The following CADPS2 variants were observed in gnomAD, a reference collection of about 807,000 sequenced individuals.
The protein encoded by CADPS2 is calcium dependent secretion activator 2.
CADPS2 carries 93 observed loss-of-function variants against 172.5 expected under a neutral mutation model. The ratio of observed to expected loss-of-function variants is 0.54; its 90% CI spans 0.46 to 0.64. CADPS2 has a LOEUF of 0.64. Ranked by LOEUF, CADPS2 falls within the 30% of genes least tolerant of loss-of-function variation. The pLI is 0.00. For missense variants in CADPS2, 1,420 were observed against 1,565.9 expected (o/e 0.91, Z 1.57); for synonymous variants, 546 against 555.2 (o/e 0.98, Z 0.23).
chr7:122,857,312 G>A (rs930329383), intron 1 of CADPS2, among the ~76,000 whole-genome samples: 3 of 151,950 alleles, frequency 2.0e-5, no homozygotes, highest in South Asian at 2.1e-4. Flanking sequence ...TACTATAGGC[G>A]TATATTATTT....
At chr7:122,541,343 C>T (rs573234220) in intron 8 of CADPS2, among the ~76,000 whole-genome samples, 1 of 145,440 alleles carries the variant, frequency 6.9e-6, no homozygotes, top group Non-Finnish European at 1.5e-5. Flanking sequence ...ATTACAGGCG[C>T]CCACCACCAC....
chr7:122,558,721 T>TA (rs1412207888), intron 7 of CADPS2, among the ~76,000 whole-genome samples: 1 of 152,174 alleles, frequency 6.6e-6, no homozygotes, highest in Non-Finnish European at 1.5e-5. Flanking sequence ...TTTAGAGTGA[T>TA]ATGGGGTTCA....
rs2032122020 is a variant in CADPS2, at chr7:122,320,267, C to T, written c.3789G>A (p.Val1263=). 7 of 1,613,244 alleles carry T rather than the reference C, an allele frequency of 4.3e-6. No individual in the cohort carries two copies. The South Asian group carries it at 7.7e-5, about 18-fold the overall frequency. The change falls in exon 30 of 30, where the codon GTG becomes GTA. Residue 1263 remains valine (V), a synonymous_variant. Transcript: ENST00000449022. ...CCTCCTCTACTGTTAAACGTCTGTG[C>T]ACAGTATCATAAGTCTTACTGTTCA... The part of the protein sequence containing the change: ...GTLNSKTYDT[V]HRRLTVEEAT...
chr7:122,601,375 AAAGACTT>A (rs2072751556), intron 6 of CADPS2, among the ~76,000 whole-genome samples: 1 of 152,056 alleles, frequency 6.6e-6, no homozygotes, highest in Non-Finnish European at 1.5e-5. Context: ...TTATAAGCCA[AAAGACTT>A]CACATCTTCG....
At chr7:122,708,065 T>G (rs1335551669) in intron 2 of CADPS2, among the ~76,000 whole-genome samples, 1 of 151,892 alleles carries the variant, frequency 6.6e-6, no homozygotes, top group Non-Finnish European at 1.5e-5. Context: ...ATCTGTCATC[T>G]CATATAGTTA....
chr7:122,768,297 C>T (rs537731101), intron 1 of CADPS2, among the ~76,000 whole-genome samples: 3 of 152,070 alleles, frequency 2.0e-5, no homozygotes, highest in Non-Finnish European at 2.9e-5. Flanking sequence ...GTGAAGGTAA[C>T]GTATTTAGTT....
intron 1 of CADPS2, among the ~76,000 whole-genome samples, chr7:122,814,749 A>C (rs1435293413): frequency 6.6e-6 from 1 of 152,158 alleles, no homozygotes; most frequent in African/African-American, 2.4e-5. Context: ...TAACACATAC[A>C]TTAAATTGAA....
At chr7:122,705,639 AAT>A (rs2086938878) in intron 2 of CADPS2, among the ~76,000 whole-genome samples, 1 of 93,512 alleles carries the variant, frequency 1.1e-5, no homozygotes, top group Non-Finnish European at 1.9e-5. Context: ...TATGATATAT[AAT>A]ATATTATATA....
chr7:122,500,130 T>G (rs77938085), intron 9 of CADPS2, among the ~76,000 whole-genome samples: 5,957 of 152,296 alleles, frequency 0.039, 155 homozygotes, highest in Non-Finnish European at 0.06. Flanking sequence ...ATATCACCTT[T>G]ATGTTTAAAA....
chr7:122,601,126 T>C (rs753528922), intron 6 of CADPS2, among the ~76,000 whole-genome samples: 8 of 125,186 alleles, frequency 6.4e-5, no homozygotes, highest in Non-Finnish European at 1.1e-4. Flanking sequence ...AGTGAAGTAA[T>C]AAAGGGCATA....
chr7:122,706,511 CAT>C (rs1356214683), intron 2 of CADPS2, among the ~76,000 whole-genome samples: 1 of 145,822 alleles, frequency 6.9e-6, no homozygotes, highest in African/African-American at 2.5e-5. Context: ...AGAACTGAAA[CAT>C]ATTACTAGGG....
At chr7:122,556,555 T>C (rs2065053215) in intron 7 of CADPS2, among the ~76,000 whole-genome samples, 1 of 152,204 alleles carries the variant, frequency 6.6e-6, no homozygotes, top group African/African-American at 2.4e-5. Context: ...TGACAATTTC[T>C]CATTCTGCAA....
At chr7:122,853,857 G>GT (rs1814411011) in intron 1 of CADPS2, among the ~76,000 whole-genome samples, 1 of 152,174 alleles carries the variant, frequency 6.6e-6, no homozygotes. Context: ...AGAGGGGCAT[G>GT]TAGTACATGC....
intron 1 of CADPS2, among the ~76,000 whole-genome samples, chr7:122,833,654 C>T (rs1002803648): frequency 1.3e-5 from 2 of 152,054 alleles, no homozygotes; most frequent in African/African-American, 4.8e-5. Context: ...CCTCGGCCTC[C>T]GAAAGTGCTG....
In CADPS2 at chr7:122,393,467, A is replaced by C. The variant is rs771432724; in HGVS notation, c.2862T>G (p.Phe954Leu). Residue 954 changes from phenylalanine to leucine, a missense_variant, in exon 21 of 30, where the codon TTT becomes TTG. Transcript: ENST00000449022. Reference protein sequence around the residue: ...SSIAQSIHRGFEQETWQPVKN... With the variant: ...SSIAQSIHRGLEQETWQPVKN... ...TGACAGGCTGCCATGTCTCCTGCTCAAAACCTCTGTGAATTGACTGGGCGA... is the reference window on the plus strand; with the variant it reads ...TGACAGGCTGCCATGTCTCCTGCTCCAAACCTCTGTGAATTGACTGGGCGA... The C allele has an allele frequency of 6.2e-7, 1 of 1,613,796 alleles. No individual in the cohort carries two copies. Among genetic ancestry groups the C allele is most frequent in the African/African-American group, 1.3e-5 (1 of 74,906 alleles).
rs143047291 is a variant in CADPS2 at position 122,844,375 on chromosome 7, T to A, written c.339+41624A>T. On this transcript the variant is annotated intron_variant, in intron 1 of 29. Transcript: ENST00000449022. Reference sequence around the variant, plus strand: ...TCCAAATGAGATACTCAATGTTATGTTAAAAATCAGGATTCTTTGTTCACT... The same window carrying A: ...TCCAAATGAGATACTCAATGTTATGATAAAAATCAGGATTCTTTGTTCACT... Among the ~76,000 whole-genome samples, 479 of 152,350 alleles carry A rather than the reference T, an allele frequency of 3.1e-3. 2 individuals are homozygous for A. Among genetic ancestry groups the A allele is most frequent in the African/African-American group, 0.011 (463 of 41,582 alleles).
chr7:122,649,859 C>A (rs2078948788), intron 3 of CADPS2, among the ~76,000 whole-genome samples: 1 of 139,864 alleles, frequency 7.1e-6, no homozygotes, highest in South Asian at 2.3e-4. Context: ...ATTTTCACTG[C>A]TTAACCTAGT....
chr7:122,570,686 T>C (rs1032068761), intron 7 of CADPS2, among the ~76,000 whole-genome samples: 1 of 151,714 alleles, frequency 6.6e-6, no homozygotes, highest in Non-Finnish European at 1.5e-5. Flanking sequence ...ATATACACCA[T>C]AGAATACTAT....
intron 11 of CADPS2, among the ~76,000 whole-genome samples, chr7:122,482,330 A>C (rs2057390929): frequency 6.6e-6 from 1 of 152,026 alleles, no homozygotes; most frequent in African/African-American, 2.4e-5. Context: ...TGGTTGTCTG[A>C]CCTGGGACCA....
Sources: allele counts gnomAD v4.1 joint callset (sites outside exome capture counted in the v4.1 genomes callset), GRCh38; gene constraint gnomAD v4.1.1; transcripts MANE v1.5; gene names NCBI Gene and HGNC (gene_info 2026-07-23, HGNC 2026-07-21).